NTMT2: variants seen among roughly 807,000 people sequenced by gnomAD.
NTMT2 encodes the protein N-terminal Xaa-Pro-Lys N-methyltransferase 2.
Under a neutral mutation model 23.4 loss-of-function variants are expected in NTMT2, and 21 were observed. That is an observed-to-expected ratio of 0.90 (90% CI 0.64 to 1.29). The LOEUF is 1.29. NTMT2 is among the 50% of genes most tolerant of loss of function. The pLI is 0.00. For missense variants in NTMT2, 336 were observed against 352.0 expected (o/e 0.95, Z 0.36); for synonymous variants, 131 against 127.7 (o/e 1.03, Z -0.17).
At chr1:170,153,909 T>G (rs1473962929) in intron 1 of NTMT2, among the ~76,000 whole-genome samples, 1 of 152,004 alleles carries the variant, frequency 6.6e-6, no homozygotes, top group Non-Finnish European at 1.5e-5. Flanking sequence ...GGGGAAAAGG[T>G]CTGGAAGGCA....
At chr1:170,166,108 G>C (rs553078744) in intron 2 of NTMT2, among the ~76,000 whole-genome samples, 1 of 149,588 alleles carries the variant, frequency 6.7e-6, no homozygotes, top group South Asian at 2.1e-4. Flanking sequence ...AGGTAACTAG[G>C]GTGTGCAATT....
In NTMT2 at chr1:170,146,157, C is replaced by T. The variant is rs267598162; in HGVS notation, c.50C>T (p.Thr17Ile). Residue 17 changes from threonine to isoleucine, a missense_variant, in exon 1 of 4, where the codon ACC becomes ATC. Physicochemically the swap from Thr to Ile is moderately conservative, Grantham distance 89. Transcript: ENST00000439373. ...GCCTTTAGATCCCGCTGGCAGAAGA[C>T]CGACGATGAACTCTGTAGACATAGC... ...HFAFRSRWQK[T>I]DDELCRHSMS... The T allele has an allele frequency of 1.9e-6, 3 of 1,551,524 alleles. No homozygotes were observed. Among genetic ancestry groups the T allele is most frequent in the Non-Finnish European group, 2.6e-6 (3 of 1,146,904 alleles).
At chr1:170,147,921 G>A (rs919136687) in intron 1 of NTMT2, among the ~76,000 whole-genome samples, 6 of 151,972 alleles carry the variant, frequency 3.9e-5, no homozygotes, top group Non-Finnish European at 7.4e-5. Flanking sequence ...AAATCATTTT[G>A]ATTTTGTGTT....
At chr1:170,146,329 CT>C in intron 1 of NTMT2, 68 bp downstream of exon 1, 1 of 1,388,810 alleles carries the variant, frequency 7.2e-7, no homozygotes, top group East Asian at 2.6e-5. Context: ...GGTCATGGGG[CT>C]TCTAGAAGAG....
chr1:170,166,053 G>A (rs1307205217), intron 2 of NTMT2, among the ~76,000 whole-genome samples: 2 of 150,126 alleles, frequency 1.3e-5, no homozygotes, highest in Non-Finnish European at 3.0e-5. Context: ...ACAAGAAATG[G>A]TACATTTCAT....
At chr1:170,166,343 G>A (rs900485089) in intron 2 of NTMT2, among the ~76,000 whole-genome samples, 159 bp from the exon 3 acceptor site, 11 of 147,606 alleles carry the variant, frequency 7.5e-5, no homozygotes, top group Non-Finnish European at 1.3e-4. Flanking sequence ...GGGTTTCACC[G>A]TGTTAGCCAG....
At chr1:170,164,429 T>C (rs1673333556) in intron 2 of NTMT2, among the ~76,000 whole-genome samples, 3 of 152,238 alleles carry the variant, frequency 2.0e-5, no homozygotes, top group Admixed American at 2.0e-4. Flanking sequence ...ACATAATTTC[T>C]CCATATACTG....
chr1:170,147,173 C>T (rs1672979501), intron 1 of NTMT2, among the ~76,000 whole-genome samples: 1 of 152,212 alleles, frequency 6.6e-6, no homozygotes, highest in East Asian at 1.9e-4. Flanking sequence ...CGAATGTTAG[C>T]AGCCTACCAA....
At chr1:170,150,902 GACA>G (rs1314333508) in intron 1 of NTMT2, among the ~76,000 whole-genome samples, 1 of 152,086 alleles carries the variant, frequency 6.6e-6, no homozygotes, top group East Asian at 1.9e-4. Flanking sequence ...GAGATGTTGG[GACA>G]ACATCTCCAT....
At chr1:170,150,228 T>C (rs754679284) in intron 1 of NTMT2, among the ~76,000 whole-genome samples, 7 of 152,146 alleles carry the variant, frequency 4.6e-5, no homozygotes, top group Non-Finnish European at 7.4e-5. Flanking sequence ...TGTGGTGACA[T>C]TCAGTCATGG....
intron 2 of NTMT2, among the ~76,000 whole-genome samples, chr1:170,163,989 G>T (rs1399032148): frequency 6.6e-6 from 1 of 152,084 alleles, no homozygotes; most frequent in Non-Finnish European, 1.5e-5. Flanking sequence ...GTGTGTGATA[G>T]TGCACACCTG....
intron 2 of NTMT2, among the ~76,000 whole-genome samples, chr1:170,162,152 A>C (rs504944): frequency 0.82 from 124,239 of 152,052 alleles, 50,923 homozygotes; most frequent in East Asian, 0.86. Flanking sequence ...AAAGACTTAA[A>C]CCCCAAGATA....
At position 170,160,605 on chromosome 1, in the gene NTMT2, C is replaced by A. The variant is rs1223785472; in HGVS notation, c.242C>A (p.Ala81Asp). The A allele has an allele frequency of 6.4e-7, 1 of 1,551,544 alleles. No individual in the cohort carries two copies. The highest frequency in any genetic ancestry group is 2.4e-5 in the East Asian group (1 of 40,930). Reference sequence around the variant, plus strand: ...AAACTTTTCTACCAAGAAGTACCAGCCACAGAAGAGGGTATGATGGGAAAT... The same window carrying A: ...AAACTTTTCTACCAAGAAGTACCAGACACAGAAGAGGGTATGATGGGAAAT... ...RAKLFYQEVP[A>D]TEEGMMGNFI... The change falls in exon 2 of 4, where the codon GCC (alanine) becomes GAC (aspartate). Residue 81 changes from alanine to aspartate, a missense_variant. Ala to Asp is a moderately radical substitution (Grantham distance 126, BLOSUM62 -2). Transcript: ENST00000439373.
At chr1:170,166,171 G>A (rs1215257677) in intron 2 of NTMT2, among the ~76,000 whole-genome samples, 3 of 112,386 alleles carry the variant, frequency 2.7e-5, no homozygotes, top group African/African-American at 1.1e-4. Context: ...ACGGAGTCTC[G>A]CTCTGTGGCC....
At chr1:170,152,697 A>G (rs1264219717) in intron 1 of NTMT2, among the ~76,000 whole-genome samples, 1 of 150,946 alleles carries the variant, frequency 6.6e-6, no homozygotes, top group Non-Finnish European at 1.5e-5. Context: ...TTCACCAGAA[A>G]CACTGATAAA....
At chr1:170,160,889 C>A (rs940858672) in intron 2 of NTMT2, among the ~76,000 whole-genome samples, 196 bp downstream of exon 2, 1 of 152,192 alleles carries the variant, frequency 6.6e-6, no homozygotes, top group Non-Finnish European at 1.5e-5. Context: ...CACTGTCTTA[C>A]CCTCCCACTT....
At chr1:170,158,747 C>G (rs1673211556) in intron 1 of NTMT2, among the ~76,000 whole-genome samples, 1 of 151,840 alleles carries the variant, frequency 6.6e-6, no homozygotes, top group Admixed American at 6.6e-5. Flanking sequence ...TTTTGCATAT[C>G]TATCTTTTTG....
chr1:170,167,935 C>T lies in NTMT2; in HGVS notation c.*178C>T. On this transcript the variant is annotated 3_prime_UTR_variant, in exon 4 of 4. Coordinates refer to ENST00000439373, the MANE Select transcript of NTMT2 (RefSeq NM_001136107.2). The stretch of plus-strand genomic sequence containing the variant: ...TTTCAGTGATTATATAATGCACACA[C>T]TCTGATGAGACATGCACAAATTCTG... 1.5e-6 allele frequency: 1 copy of T among 686,678 alleles called. No individual in the cohort carries two copies. The highest frequency in any genetic ancestry group is 2.3e-6 in the Non-Finnish European group (1 of 426,162). 42.5% of individuals were successfully genotyped at this position (686,678 alleles called of 1,614,324 possible). A position where few individuals can be genotyped will look rare whatever the true frequency, so the allele number is the denominator to read the frequency against.
At chr1:170,147,211 G>T (rs563694958) in intron 1 of NTMT2, among the ~76,000 whole-genome samples, 1 of 152,196 alleles carries the variant, frequency 6.6e-6, no homozygotes, top group East Asian at 1.9e-4. Context: ...ATTTATGAGG[G>T]ATCTTTAATT....
Sources: gnomAD v4.1 joint callset for allele counts (sites outside exome capture counted in the v4.1 genomes callset) on GRCh38, gnomAD v4.1.1 for gene constraint, MANE v1.5 for transcripts, NCBI Gene and HGNC (gene_info 2026-07-23, HGNC 2026-07-21) for gene names.